Variants in TSGA10 observed in about 807,000 individuals in gnomAD.
TSGA10 encodes testis-specific gene 10 protein.
In TSGA10, 43 loss-of-function variants were observed where a neutral mutation model predicts 96.6. The ratio of observed to expected loss-of-function variants is 0.44; its 90% CI spans 0.35 to 0.57. The LOEUF is 0.57. Among genes scored for constraint, TSGA10 ranks in the 20% least tolerant of loss-of-function variants. The probability of loss-of-function intolerance (pLI) is 0.01; values close to 1 mark genes in which losing one functional copy is unlikely to be tolerated. For missense variants in TSGA10, 703 were observed against 834.4 expected (o/e 0.84, Z 1.94); for synonymous variants, 229 against 269.9 (o/e 0.85, Z 1.48).
chr2:99,106,826 C>G (rs1424816385), intron 7 of TSGA10, among the ~76,000 whole-genome samples: 1 of 152,072 alleles, frequency 6.6e-6, no homozygotes, highest in Non-Finnish European at 1.5e-5. Context: ...TTCAAAGGTT[C>G]CCTTCTGCAT....
In TSGA10 at chr2:99,136,020, A is replaced by AAAAAAAAC. The variant is rs1427603674; in HGVS notation, c.-620-8845_-620-8844insGTTTTTTT. On this transcript the variant is annotated intron_variant, in intron 1 of 20. Coordinates refer to ENST00000393483, the MANE Select transcript of TSGA10 (RefSeq NM_025244.4). ...GCGAGACTTCGTACCAAAAAAAAAA[A>AAAAAAAAC]AGGGTCTGCATCATAGAGTTGCGTG... Among the ~76,000 whole-genome samples, 4 of 151,922 alleles carry AAAAAAAAC rather than the reference A, an allele frequency of 2.6e-5. 1 individual carries two copies. The highest frequency in any genetic ancestry group is 5.9e-5 in the Non-Finnish European group (4 of 67,970).
chr2:99,040,923 G>A (rs2082126805), intron 16 of TSGA10, among the ~76,000 whole-genome samples: 1 of 152,228 alleles, frequency 6.6e-6, no homozygotes, highest in Non-Finnish European at 1.5e-5. Flanking sequence ...TCAACTATTA[G>A]TTCTTACACT....
chr2:99,038,888 C>T (rs968407864), intron 16 of TSGA10, among the ~76,000 whole-genome samples: 5 of 151,974 alleles, frequency 3.3e-5, no homozygotes, highest in Non-Finnish European at 7.4e-5. Flanking sequence ...ATATGATAGG[C>T]CATAAAACAA....
chr2:99,082,416 C>G (rs1041870521), intron 10 of TSGA10, among the ~76,000 whole-genome samples: 13 of 152,176 alleles, frequency 8.5e-5, no homozygotes, highest in African/African-American at 2.4e-4. Flanking sequence ...AATCAAGCCC[C>G]TTCCTCGAGG....
intron 20 of TSGA10, among the ~76,000 whole-genome samples, chr2:99,013,225 C>G (rs1322217955): frequency 6.6e-6 from 1 of 152,090 alleles, no homozygotes; most frequent in Non-Finnish European, 1.5e-5. Context: ...AGTTGTGTTT[C>G]ACTATTACCT....
At chr2:99,104,873 T>G (rs12994862) in intron 9 of TSGA10, among the ~76,000 whole-genome samples, 1 of 152,244 alleles carries the variant, frequency 6.6e-6, no homozygotes, top group Non-Finnish European at 1.5e-5. Flanking sequence ...TTCTCTTATG[T>G]TTATATAGTG....
At chr2:99,041,255 C>A (rs1281854953) in intron 16 of TSGA10, among the ~76,000 whole-genome samples, 1 of 152,164 alleles carries the variant, frequency 6.6e-6, no homozygotes, top group Non-Finnish European at 1.5e-5. Flanking sequence ...CACCATTGTT[C>A]CATCTGCAAT....
chr2:99,108,749 G>T, intron 7 of TSGA10, 84 bp downstream of exon 7: 1 of 953,210 alleles, frequency 1.0e-6, no homozygotes, highest in Non-Finnish European at 1.5e-6. Context: ...GCAGGTTTAA[G>T]CAGTCTCATA....
chr2:99,001,954 C>A (rs187136392), intron 20 of TSGA10, among the ~76,000 whole-genome samples: 2 of 152,178 alleles, frequency 1.3e-5, no homozygotes, highest in African/African-American at 4.8e-5. Flanking sequence ...TAAAAAGAAA[C>A]GAACAAAGCC....
At chr2:99,107,704 A>G (rs939427072) in intron 7 of TSGA10, among the ~76,000 whole-genome samples, 1 of 152,232 alleles carries the variant, frequency 6.6e-6, no homozygotes, top group African/African-American at 2.4e-5. Context: ...CAGTATCCAT[A>G]AAGTTTTACT....
intron 10 of TSGA10, among the ~76,000 whole-genome samples, chr2:99,097,678 T>C (rs1574313716): frequency 1.3e-5 from 2 of 152,206 alleles, no homozygotes; most frequent in East Asian, 3.9e-4. Flanking sequence ...CAATTGATAA[T>C]AACAGAAAGC....
At chr2:99,073,553 T>C (rs1298505138) in intron 12 of TSGA10, among the ~76,000 whole-genome samples, 7 of 152,192 alleles carry the variant, frequency 4.6e-5, no homozygotes, top group Admixed American at 6.5e-5. Context: ...TTATTTATAT[T>C]AGCCAGCAAC....
intron 1 of TSGA10, among the ~76,000 whole-genome samples, chr2:99,137,886 CAAA>C (rs35439305): frequency 1.7e-4 from 20 of 115,926 alleles, no homozygotes; most frequent in Admixed American, 2.6e-4. Flanking sequence ...GACTCCATGT[CAAA>C]AAAAAAAAAA....
chr2:99,098,581 A>C (rs1025735666), intron 10 of TSGA10, among the ~76,000 whole-genome samples: 8 of 146,958 alleles, frequency 5.4e-5, no homozygotes, highest in African/African-American at 1.5e-4. Flanking sequence ...TAAGAACAAA[A>C]GTAATGAAAT....
rs558905625 is a variant in TSGA10 at position 99,059,633 on chromosome 2, A to G, written c.1404+5306T>C. ...CAGCCTGGGCGACAGAGCAAGACTC[A>G]GTCTTGGGGGAAACACACACACACA... On this transcript the variant is annotated intron_variant, in intron 16 of 20. Transcript: ENST00000393483. Among the ~76,000 whole-genome samples, 7 of 142,798 alleles carry G rather than the reference A, an allele frequency of 4.9e-5. No homozygotes were observed. In the South Asian group the frequency reaches 6.7e-4, roughly 14 times the overall value. The allele number at this position is 142,798 out of a possible 152,430, so 93.7% of individuals were successfully genotyped here.
At chr2:99,047,627 G>T (rs1321642509) in intron 16 of TSGA10, among the ~76,000 whole-genome samples, 1 of 152,162 alleles carries the variant, frequency 6.6e-6, no homozygotes, top group Non-Finnish European at 1.5e-5. Context: ...CATAATGAAT[G>T]TGCAAAAACT....
intron 2 of TSGA10, among the ~76,000 whole-genome samples, chr2:99,119,674 AT>A (rs1480348234): frequency 6.6e-6 from 1 of 152,166 alleles, no homozygotes; most frequent in Non-Finnish European, 1.5e-5. Flanking sequence ...ATCATTAATT[AT>A]TTAACTAATA....
intron 16 of TSGA10, among the ~76,000 whole-genome samples, chr2:99,062,438 GT>G (rs2084807053): frequency 6.6e-6 from 1 of 152,172 alleles, no homozygotes; most frequent in Admixed American, 6.5e-5. Context: ...ACATTGGAAA[GT>G]TTTTTAAAAC....
chr2:99,152,177 C>G (rs867645733), intron 1 of TSGA10, among the ~76,000 whole-genome samples: 2 of 152,036 alleles, frequency 1.3e-5, no homozygotes, highest in African/African-American at 4.8e-5. Flanking sequence ...TTGTGCCTGT[C>G]TACTAGGAAA....
Sources: gnomAD v4.1 joint callset for allele counts (sites outside exome capture counted in the v4.1 genomes callset) on GRCh38, gnomAD v4.1.1 for gene constraint, MANE v1.5 for transcripts, NCBI Gene and HGNC (gene_info 2026-07-23, HGNC 2026-07-21) for gene names.